Variants in ETNK2 observed in about 807,000 individuals in gnomAD.
ETNK2 encodes the protein ethanolamine kinase-like protein.
ETNK2 carries 33 observed loss-of-function variants against 46.2 expected under a neutral mutation model. The observed-to-expected ratio is 0.71, with a 90% CI of 0.54 to 0.96. The LOEUF (loss-of-function observed/expected upper bound fraction) is 0.96, where lower values mean the gene tolerates loss of function less well. ETNK2 is among the 40% of genes least tolerant of loss of function. The pLI is 0.00. For missense variants in ETNK2, 445 were observed against 509.7 expected (o/e 0.87, Z 1.22); for synonymous variants, 194 against 209.0 (o/e 0.93, Z 0.62).
chr1:204,132,303 T>C, intron 7 of ETNK2, 47 bp from the exon 8 acceptor site: 1 of 1,458,794 alleles, frequency 6.9e-7, no homozygotes, highest in East Asian at 2.5e-5. Context: ...GAAAGCCAGG[T>C]GGGCCCTGCT....
intron 5 of ETNK2, among the ~76,000 whole-genome samples, chr1:204,138,459 C>A (rs1376133068): frequency 1.3e-5 from 2 of 152,192 alleles, no homozygotes; most frequent in Non-Finnish European, 2.9e-5. Context: ...GGCCAGGGGG[C>A]CTTGCAGCCA....
intron 6 of ETNK2, 184 bp from the exon 7 acceptor site, chr1:204,134,772 G>A (rs889999760): frequency 4.6e-5 from 62 of 1,357,446 alleles, no homozygotes; most frequent in Admixed American, 4.3e-5. Context: ...AGCATTTGGC[G>A]CCTCCACTCC....
chr1:204,133,617 C>T (rs372790341), intron 7 of ETNK2, among the ~76,000 whole-genome samples: 9 of 151,400 alleles, frequency 5.9e-5, no homozygotes, highest in East Asian at 5.8e-4. Context: ...CTGCAAGCTC[C>T]GCCTCCCGGG....
chr1:204,152,023 C>A lies in ETNK2; in HGVS notation c.-171G>T. On this transcript the variant is annotated 5_prime_UTR_variant, in exon 1 of 8. Transcript: ENST00000367202. The surrounding 1 kb of genome is among the most constrained non-coding windows in gnomAD (Gnocchi z 4.2). ...CCGCCGCCCACCGCCGACCCCGGAG[C>A]GCCGCGGCCCGCCGCGATTGTGACA... 2 of 567,876 alleles carry A rather than the reference C, an allele frequency of 3.5e-6. No homozygotes were observed. Among genetic ancestry groups the A allele is most frequent in the Non-Finnish European group, 5.2e-6 (2 of 385,540 alleles). The allele number at this position is 567,876 out of a possible 1,614,324, so 35.2% of individuals were successfully genotyped here.
chr1:204,149,201 G>A (rs1347232589), intron 2 of ETNK2, among the ~76,000 whole-genome samples: 3 of 152,182 alleles, frequency 2.0e-5, no homozygotes, highest in African/African-American at 7.2e-5. Flanking sequence ...CCAAACCTGG[G>A]TTCCCACTTC....
At chr1:204,140,349 C>G (rs1476383801) in intron 4 of ETNK2, among the ~76,000 whole-genome samples, 1 of 152,136 alleles carries the variant, frequency 6.6e-6, no homozygotes, top group African/African-American at 2.4e-5. Flanking sequence ...CTCCCAGTGT[C>G]CCTCTCACAC....
intron 2 of ETNK2, chr1:204,147,670 T>C: frequency 2.2e-6 from 1 of 453,244 alleles, no homozygotes. Context: ...GCCTTAGCTG[T>C]TTGAAACCTT....
At chr1:204,142,284 C>T (rs1657582874) in intron 3 of ETNK2, 1 of 152,256 alleles carries the variant, frequency 6.6e-6, no homozygotes, top group Non-Finnish European at 1.5e-5. Context: ...TGTCCCAGAC[C>T]CCTGCCATAT....
At chr1:204,134,486 C>T in intron 7 of ETNK2, 29 bp downstream of exon 7, 1 of 1,610,604 alleles carries the variant, frequency 6.2e-7, no homozygotes, top group Non-Finnish European at 8.5e-7. Flanking sequence ...TCCCTTTTCT[C>T]CACGTCCCAC....
chr1:204,147,434 A>G (rs767800589), intron 2 of ETNK2: 6 of 533,316 alleles, frequency 1.1e-5, no homozygotes, highest in South Asian at 8.4e-5. Flanking sequence ...TTGCTGGGAG[A>G]AGGTGGGGGT....
Position 204,132,330 on chromosome 1 carries a change from T to C in ETNK2, c.1089-74A>G, listed in dbSNP as rs1657108162. The stretch of plus-strand genomic sequence containing the variant: ...GGCCCTGCTGGGGGTGCTGACATCA[T>C]GAGAAAAGTTTTTCAGTGGCTCTAG... On this transcript the variant is annotated intron_variant, in intron 7 of 7. Transcript: ENST00000367202. The C allele has an allele frequency of 5.0e-6, 6 of 1,211,724 alleles. 1 individual carries two copies. The Middle Eastern group carries it at 9.4e-4, about 189-fold the overall frequency. 75.1% of individuals were successfully genotyped at this position (1,211,724 alleles called of 1,614,324 possible). A position where few individuals can be genotyped will look rare whatever the true frequency, so the allele number is the denominator to read the frequency against.
Position 204,151,698 on chromosome 1 carries a change from G to A in ETNK2, c.155C>T (p.Ala52Val). The change falls in exon 1 of 8, where the codon GCG becomes GTG. Residue 52 changes from alanine to valine, a missense_variant. Transcript: ENST00000367202. This position sits in a 1 kb window ranked among gnomAD's most constrained non-coding sequence, Gnocchi z 8.0. The part of the protein sequence containing the change: ...PPGPPRAAAV[A>V]YFGISVDPDD... ...CGGGTCCACGGAAATGCCGAAGTAC[G>A]CGACGGCGGCGGCCCTCGGGGGGCC... 6.5e-7 allele frequency: 1 copy of A among 1,545,386 alleles called. No homozygotes were observed. The highest frequency in any genetic ancestry group is 8.7e-7 in the Non-Finnish European group (1 of 1,144,818).
Position 204,132,075 on chromosome 1 carries a change from G to A in ETNK2, c.*109C>T. ...CAGAGCCTTCTCCCTGGACACCCAT[G>A]TGTCCCCTCTCCCACCCTGTCCAAG... On this transcript the variant is annotated 3_prime_UTR_variant, in exon 8 of 8. Coordinates refer to ENST00000367202, the MANE Select transcript of ETNK2 (RefSeq NM_018208.4). The A allele has an allele frequency of 1.1e-6, 1 of 875,456 alleles. No homozygotes were observed. 54.2% of individuals were successfully genotyped at this position (875,456 alleles called of 1,614,324 possible).
chr1:204,149,866 C>A lies in ETNK2; in HGVS notation c.355G>T (p.Glu119Ter). 1 of 1,595,554 alleles carries A rather than the reference C, an allele frequency of 6.3e-7. No homozygotes were observed. Among genetic ancestry groups the A allele is most frequent in the Non-Finnish European group, 8.5e-7 (1 of 1,171,268 alleles). Residue 119 changes from glutamate to a stop codon, truncating the protein, a stop_gained, in exon 2 of 8, where the codon GAG (glutamate) becomes TAG (stop). Coordinates refer to ENST00000367202, the MANE Select transcript of ETNK2 (RefSeq NM_018208.4). LOFTEE classifies it high-confidence loss of function. ...VLVRVYGERT[E>*]LLVDRENEVR... The stretch of plus-strand genomic sequence containing the variant: ...TCATTCTCCCGGTCCACCAGCAGCT[C>A]CGTCCGCTCCCCATACACCCGGACC...
rs76205451 is a variant in ETNK2 at position 204,132,253 on chromosome 1, G to A, written c.1092C>T (p.Tyr364=). Residue 364 remains tyrosine, a synonymous_variant, in exon 8 of 8, where the codon TAC becomes TAT. Coordinates refer to ENST00000367202, the MANE Select transcript of ETNK2 (RefSeq NM_018208.4). ...AGTACTGGTTGAATCGGATCACTGC[G>A]TACCTGTGGGGAAGACAGAAGGAAG... ...YSTIDFDFLR[Y]AVIRFNQYFK... 5.7e-3 allele frequency: 8,966 copies of A among 1,567,282 alleles called. 236 individuals are homozygous for A. The African/African-American group carries it at 0.076, about 13-fold the overall frequency.
Position 204,151,035 on chromosome 1 carries a change from A to C in ETNK2, c.258+560T>G. The C allele has an allele frequency of 5.9e-6, 1 of 169,906 alleles. No homozygotes were observed. The allele number at this position is 169,906 out of a possible 1,614,324, so 10.5% of individuals were successfully genotyped here. A position where few individuals can be genotyped will look rare whatever the true frequency, so the allele number is the denominator to read the frequency against. On this transcript the variant is annotated intron_variant, in intron 1 of 7. Transcript: ENST00000367202. The surrounding 1 kb of genome is among the most constrained non-coding windows in gnomAD (Gnocchi z 8.0). Reference sequence around the variant, plus strand: ...ACCTGTGTCCAGCTGGGGCTGGGGAAGATGGCCTGTGTGGGGGTGCTGAGC... The same window carrying C: ...ACCTGTGTCCAGCTGGGGCTGGGGACGATGGCCTGTGTGGGGGTGCTGAGC...
chr1:204,139,737 T>C (rs745963283), intron 5 of ETNK2, among the ~76,000 whole-genome samples: 1 of 152,194 alleles, frequency 6.6e-6, no homozygotes, highest in Non-Finnish European at 1.5e-5. Context: ...ATCATCAGTG[T>C]ACTTACACAA....
chr1:204,135,671 A>T (rs1173096883), intron 6 of ETNK2, among the ~76,000 whole-genome samples: 3 of 152,216 alleles, frequency 2.0e-5, no homozygotes, highest in Non-Finnish European at 4.4e-5. Context: ...AATGATCACT[A>T]AAAAACTTAG....
At chr1:204,149,675 G>C in intron 2 of ETNK2, 28 bp downstream of exon 2, 4 of 1,551,892 alleles carry the variant, frequency 2.6e-6, no homozygotes, top group Non-Finnish European at 3.5e-6. Flanking sequence ...AAGAATAGTA[G>C]AGACAGAGGC....
Sources: allele counts gnomAD v4.1 joint callset (sites outside exome capture counted in the v4.1 genomes callset), GRCh38; gene constraint gnomAD v4.1.1; non-coding constraint Gnocchi (gnomAD v3.1); transcripts MANE v1.5; gene names NCBI Gene and HGNC (gene_info 2026-07-23, HGNC 2026-07-21).